SLC24A2: variants seen among roughly 807,000 people sequenced by gnomAD.
SLC24A2 encodes sodium/potassium/calcium exchanger 2.
A neutral mutation model predicts 62.0 loss-of-function variants in SLC24A2; 36 were observed. That is an observed-to-expected ratio of 0.58 (90% confidence interval 0.44 to 0.77). SLC24A2 has a LOEUF of 0.77. Ranked by LOEUF, SLC24A2 falls within the 30% of genes least tolerant of loss-of-function variation. SLC24A2 has a pLI of 0.00. For missense variants in SLC24A2, 846 were observed against 817.9 expected (o/e 1.03, Z -0.42); for synonymous variants, 358 against 294.0 (o/e 1.22, Z -2.23).
the SLC24A2 span, among the ~76,000 whole-genome samples, chr9:20,059,361 T>A: frequency 6.6e-6 from 1 of 152,220 alleles, no homozygotes; most frequent in Non-Finnish European, 1.5e-5. Flanking sequence ...TCTTCTCATG[T>A]CTACATGGAA....
At chr9:19,620,589 T>C (rs1230076866) in intron 3 of SLC24A2, among the ~76,000 whole-genome samples, 2 of 152,196 alleles carry the variant, frequency 1.3e-5, no homozygotes, top group African/African-American at 4.8e-5. Flanking sequence ...CTCTTTTTCT[T>C]CTATCTTCAA....
the SLC24A2 span, among the ~76,000 whole-genome samples, chr9:19,865,762 G>T: frequency 6.6e-6 from 1 of 152,048 alleles, no homozygotes; most frequent in South Asian, 2.1e-4. Context: ...GAAACATTGG[G>T]GAAATTCTCT....
chr9:20,300,952 G>C, the SLC24A2 span, among the ~76,000 whole-genome samples: 1 of 152,146 alleles, frequency 6.6e-6, no homozygotes, highest in Non-Finnish European at 1.5e-5. Flanking sequence ...CATAATCCAA[G>C]TACAACATAC....
At chr9:20,154,498 G>C in the SLC24A2 span, among the ~76,000 whole-genome samples, 3 of 151,724 alleles carry the variant, frequency 2.0e-5, no homozygotes. Flanking sequence ...TTTTAACAGG[G>C]TTTTGGAATT....
At chr9:19,593,953 C>A (rs917190908) in intron 5 of SLC24A2, among the ~76,000 whole-genome samples, 4 of 152,102 alleles carry the variant, frequency 2.6e-5, no homozygotes, top group Admixed American at 1.3e-4. Context: ...TATATATAAG[C>A]CCACAGCACT....
chr9:19,691,127 C>G (rs1332608221), intron 2 of SLC24A2, among the ~76,000 whole-genome samples: 1 of 152,142 alleles, frequency 6.6e-6, no homozygotes, highest in African/African-American at 2.4e-5. Context: ...CTGAAACATC[C>G]TCCTTTGAAG....
the SLC24A2 span, among the ~76,000 whole-genome samples, chr9:19,871,855 T>G: frequency 1.3e-5 from 2 of 152,216 alleles, no homozygotes; most frequent in South Asian, 2.1e-4. Flanking sequence ...TACTGGTTAT[T>G]TTTTAAAAAC....
the SLC24A2 span, among the ~76,000 whole-genome samples, chr9:20,167,296 A>G: frequency 7.1e-6 from 1 of 141,050 alleles, no homozygotes; most frequent in African/African-American, 3.0e-5. Flanking sequence ...ATGTCTGTGT[A>G]GCAATTCTGA....
chr9:19,516,327 GAAAAGGCC>G lies in SLC24A2; in HGVS notation c.1804_1811del (p.Gly602LeufsTer84). 6.2e-7 allele frequency: 1 copy of G among 1,614,208 alleles called. No individual in the cohort carries two copies. The highest frequency in any genetic ancestry group is 8.5e-7 in the Non-Finnish European group (1 of 1,180,020). On this transcript the variant is annotated frameshift_variant, in exon 11 of 11. Coordinates refer to ENST00000341998, the MANE Select transcript of SLC24A2 (RefSeq NM_020344.4). LOFTEE classifies it high-confidence loss of function. ...TGATGAAGAGAAGGACGATGGCACAGAAAAGGCCATTGCTGCTGACAGCCACTGGCTGG... is the reference window on the plus strand; with the variant it reads ...TGATGAAGAGAAGGACGATGGCACAGATTGCTGCTGACAGCCACTGGCTGG...
chr9:19,742,594 C>G (rs1236539522), intron 2 of SLC24A2, among the ~76,000 whole-genome samples: 1 of 152,060 alleles, frequency 6.6e-6, no homozygotes, highest in African/African-American at 2.4e-5. Flanking sequence ...AGGTTGGAAC[C>G]TTTCCTTAGT....
chr9:19,802,331 A>C, the SLC24A2 span, among the ~76,000 whole-genome samples: 5 of 152,238 alleles, frequency 3.3e-5, no homozygotes, highest in African/African-American at 1.2e-4. Flanking sequence ...TGTCTTTCAT[A>C]GCTACTGTGT....
chr9:20,124,007 A>G, the SLC24A2 span, among the ~76,000 whole-genome samples: 1 of 152,224 alleles, frequency 6.6e-6, no homozygotes, highest in African/African-American at 2.4e-5. Flanking sequence ...AAATACCAGG[A>G]ATATCTTTAT....
the SLC24A2 span, among the ~76,000 whole-genome samples, chr9:19,802,005 A>T: frequency 6.6e-6 from 1 of 152,232 alleles, no homozygotes; most frequent in African/African-American, 2.4e-5. Flanking sequence ...AAATATTGAA[A>T]TACTTCTATA....
the SLC24A2 span, among the ~76,000 whole-genome samples, chr9:19,933,467 C>T: frequency 0.019 from 2,636 of 142,112 alleles, 34 homozygotes; most frequent in Non-Finnish European, 0.029. Context: ...TTCTTAGTTC[C>T]ATTCATTCAT....
At chr9:20,004,714 T>A in the SLC24A2 span, among the ~76,000 whole-genome samples, 69 of 152,328 alleles carry the variant, frequency 4.5e-4, no homozygotes, top group Non-Finnish European at 8.2e-4. Context: ...ATATGATATA[T>A]CTTGTCTCAT....
the SLC24A2 span, among the ~76,000 whole-genome samples, chr9:19,965,884 A>G: frequency 6.6e-6 from 1 of 152,178 alleles, no homozygotes; most frequent in Non-Finnish European, 1.5e-5. Flanking sequence ...TCCATTCCTT[A>G]AAACTATGAG....
the SLC24A2 span, among the ~76,000 whole-genome samples, chr9:20,257,106 G>C: frequency 2.0e-5 from 3 of 152,118 alleles, no homozygotes; most frequent in African/African-American, 7.2e-5. Flanking sequence ...CTATCAATCT[G>C]TTTTTAAATT....
chr9:20,204,874 G>A, the SLC24A2 span, among the ~76,000 whole-genome samples: 1 of 151,562 alleles, frequency 6.6e-6, no homozygotes, highest in Non-Finnish European at 1.5e-5. Context: ...CTCCCGAGTA[G>A]CCTGGACTAC....
chr9:19,543,424 T>G (rs1469150178), intron 8 of SLC24A2, among the ~76,000 whole-genome samples: 1 of 151,750 alleles, frequency 6.6e-6, no homozygotes, highest in Admixed American at 6.6e-5. Context: ...TTCATGTCTC[T>G]ATCTCCTTCA....
Sources: allele counts gnomAD v4.1 joint callset (sites outside exome capture counted in the v4.1 genomes callset), GRCh38; gene constraint gnomAD v4.1.1; transcripts MANE v1.5; gene names NCBI Gene and HGNC (gene_info 2026-07-23, HGNC 2026-07-21).